The following LY75 variants were observed in gnomAD, a reference collection of about 807,000 sequenced individuals.
The protein encoded by LY75 is C-type lectin domain family 13 member B.
Under a neutral mutation model 231.7 loss-of-function variants are expected in LY75, and 185 were observed. That is an observed-to-expected ratio of 0.80 (90% CI 0.71 to 0.90). The LOEUF (loss-of-function observed/expected upper bound fraction) is 0.90. Ranked by LOEUF, LY75 falls within the 40% of genes least tolerant of loss-of-function variation. The pLI is 0.00. For missense variants in LY75, 1,947 were observed against 2,050.2 expected (o/e 0.95, Z 0.97); for synonymous variants, 668 against 689.0 (o/e 0.97, Z 0.48).
At chr2:159,866,404 C>T (rs1242915924) in intron 13 of LY75, among the ~76,000 whole-genome samples, 1 of 152,106 alleles carries the variant, frequency 6.6e-6, no homozygotes, top group African/African-American at 2.4e-5. Context: ...GGACTTAATG[C>T]AATGGAATAT....
intron 8 of LY75, among the ~76,000 whole-genome samples, chr2:159,880,012 C>T (rs1019373776): frequency 2.6e-5 from 4 of 152,112 alleles, no homozygotes; most frequent in African/African-American, 7.2e-5. Flanking sequence ...TCACTCTTGC[C>T]CATGGGAACA....
At chr2:159,900,388 A>G (rs1400728538) in intron 1 of LY75, among the ~76,000 whole-genome samples, 1 of 152,262 alleles carries the variant, frequency 6.6e-6, no homozygotes, top group Non-Finnish European at 1.5e-5. Context: ...CAATTACAGC[A>G]CAAATCATGT....
At chr2:159,805,354 A>G (rs1026998991) in intron 34 of LY75, 132 bp from the exon 35 acceptor site, 1 of 589,806 alleles carries the variant, frequency 1.7e-6, no homozygotes, top group Non-Finnish European at 3.0e-6. Flanking sequence ...TGATTGTTTC[A>G]TAGCGCTAAC....
At chr2:159,829,427 C>T (rs1318797603) in intron 28 of LY75, among the ~76,000 whole-genome samples, 2 of 152,186 alleles carry the variant, frequency 1.3e-5, no homozygotes, top group African/African-American at 4.8e-5. Context: ...AGTTGACATA[C>T]TGTGGCTTCT....
At chr2:159,833,016 T>C (rs7568814) in intron 27 of LY75, among the ~76,000 whole-genome samples, 6,272 of 152,256 alleles carry the variant, frequency 0.041, 403 homozygotes, top group African/African-American at 0.14. Flanking sequence ...TGCTGCCTTG[T>C]GGTGTATCTA....
chr2:159,826,142 A>G (rs1031965278), intron 28 of LY75, among the ~76,000 whole-genome samples: 3 of 152,186 alleles, frequency 2.0e-5, no homozygotes, highest in African/African-American at 7.2e-5. Context: ...AGGGCATTCA[A>G]ATGGGAAGAG....
intron 13 of LY75, 75 bp from the exon 14 acceptor site, chr2:159,864,995 C>T (rs933320016): frequency 6.9e-6 from 9 of 1,309,336 alleles, no homozygotes; most frequent in African/African-American, 6.0e-5. Flanking sequence ...GTCTAATGTG[C>T]ATCACTAATT....
intron 28 of LY75, among the ~76,000 whole-genome samples, chr2:159,822,720 C>G (rs938221453): frequency 6.6e-5 from 10 of 152,092 alleles, no homozygotes; most frequent in Admixed American, 2.0e-4. Flanking sequence ...TACAGGAGAG[C>G]TCTGGCTGGC....
chr2:159,826,931 T>C (rs1683489236), intron 28 of LY75, among the ~76,000 whole-genome samples: 1 of 152,152 alleles, frequency 6.6e-6, no homozygotes, highest in African/African-American at 2.4e-5. Context: ...TGGACCCCCC[T>C]TCCTCACACC....
rs1574576900 is a variant in LY75 at position 159,872,473 on chromosome 2, G to A, written c.2095C>T (p.His699Tyr). Residue 699 changes from histidine to tyrosine, a missense_variant, in exon 13 of 35, where the codon CAC becomes TAC. Coordinates refer to ENST00000263636, the MANE Select transcript of LY75 (RefSeq NM_002349.4). ...TACCTGAACTGGTCCGTTAAAAAGTGAAGAAATTCCTTTATTTCATCCACA... is the reference window on the plus strand; with the variant it reads ...TACCTGAACTGGTCCGTTAAAAAGTAAAGAAATTCCTTTATTTCATCCACA... ...SHVDEIKEFL[H>Y]FLTDQFSGQH... is the part of the protein sequence containing the mutation. 6.8e-6 allele frequency: 11 copies of A among 1,613,644 alleles called. No individual in the cohort carries two copies. In the East Asian group the frequency reaches 2.5e-4, roughly 36 times the overall value.
Position 159,821,950 on chromosome 2 carries a change from C to T in LY75, c.3959-2030G>A, listed in dbSNP as rs564509899. Among the ~76,000 whole-genome samples, 63 of 152,318 alleles carry T rather than the reference C, an allele frequency of 4.1e-4. 1 individual carries two copies. Among genetic ancestry groups the T allele is most frequent in the African/African-American group, 1.2e-3 (51 of 41,566 alleles). ...AATGCAAGGGGTCGGGGAATTTTCT[C>T]CCCTATCCAAGGGAAGCCATGAGGG... On this transcript the variant is annotated intron_variant, in intron 28 of 34. Coordinates refer to ENST00000263636, the MANE Select transcript of LY75 (RefSeq NM_002349.4).
At position 159,834,080 on chromosome 2, in the gene LY75, T is replaced by C; in HGVS notation, c.3805A>G (p.Thr1269Ala). The C allele has an allele frequency of 6.2e-7, 1 of 1,613,972 alleles. No homozygotes were observed. The highest frequency in any genetic ancestry group is 8.5e-7 in the Non-Finnish European group (1 of 1,179,924). ...CATTTAGTATGAACTTCATCCTGTG[T>C]TGTTGCCATATGCCTATTCTTTGTT... ...IITKNRHMAT[T>A]QDEVHTKCQK... is the part of the protein sequence containing the mutation. The change falls in exon 27 of 35, where the codon ACA (threonine) becomes GCA (alanine). Residue 1269 changes from threonine to alanine, a missense_variant. Physicochemically the swap from Thr to Ala is moderately conservative, Grantham distance 58. Transcript: ENST00000263636.
chr2:159,893,920 T>C lies in LY75; in HGVS notation c.631A>G (p.Lys211Glu). 1 of 1,610,774 alleles carries C rather than the reference T, an allele frequency of 6.2e-7. No homozygotes were observed. The highest frequency in any genetic ancestry group is 8.5e-7 in the Non-Finnish European group (1 of 1,178,436). The change falls in exon 3 of 35, where the codon AAG becomes GAG. Residue 211 changes from lysine to glutamate, a missense_variant. Lys to Glu is a moderately conservative substitution (Grantham distance 56). Coordinates refer to ENST00000263636, the MANE Select transcript of LY75 (RefSeq NM_002349.4). ...EYDRKWGICL[K>E]PENGCEDNWE... is the part of the protein sequence containing the mutation. Reference sequence around the variant, plus strand: ...TTTACCAGCCCATACATACCAGGCTTTAAGCAGATGCCCCACTTTCGGTCA... The same window carrying C: ...TTTACCAGCCCATACATACCAGGCTCTAAGCAGATGCCCCACTTTCGGTCA...
intron 3 of LY75, among the ~76,000 whole-genome samples, chr2:159,891,875 T>C (rs1159024600): frequency 2.6e-5 from 4 of 152,240 alleles, no homozygotes; most frequent in Non-Finnish European, 5.9e-5. Flanking sequence ...AAGCAAACTT[T>C]CACATCTAAA....
chr2:159,902,001 G>A (rs2125888356), intron 1 of LY75, among the ~76,000 whole-genome samples: 1 of 152,304 alleles, frequency 6.6e-6, no homozygotes, highest in South Asian at 2.1e-4. Context: ...TTGAAGAGCT[G>A]GAAGGAGGAC....
At chr2:159,862,019 G>C in intron 14 of LY75, among the ~76,000 whole-genome samples, 1 of 152,050 alleles carries the variant, frequency 6.6e-6, no homozygotes, top group Admixed American at 6.6e-5. Context: ...AGCTGGGCGT[G>C]GAAGGGCACG....
rs1038830358 is a variant in LY75, at chr2:159,878,649, G to T, written c.1588C>A (p.Leu530Met). Residue 530 changes from leucine to methionine, a missense_variant, in exon 10 of 35, where the codon CTG becomes ATG. Leu to Met is a conservative substitution (Grantham distance 15). Transcript: ENST00000263636. ...TGGTCACACCTGCTAGTGATAGTCA[G>T]ATTGCAGTTTGTTCCAAAAGGGACC... ...DEVPFGTNCN[L>M]TITSRFEQEY... is the part of the protein sequence containing the mutation. 3 of 1,614,016 alleles carry T rather than the reference G, an allele frequency of 1.9e-6. No homozygotes were observed. Among genetic ancestry groups the T allele is most frequent in the South Asian group, 1.1e-5 (1 of 91,064 alleles).
intron 2 of LY75, among the ~76,000 whole-genome samples, chr2:159,894,571 G>A (rs1034483598): frequency 1.3e-5 from 2 of 152,206 alleles, no homozygotes; most frequent in Non-Finnish European, 2.9e-5. Flanking sequence ...ACCACCTGCG[G>A]CATTAGAAAG....
In LY75 at chr2:159,873,785, TATAC is replaced by T. The variant is rs1174173137; in HGVS notation, c.1975-1196_1975-1193del. ...CATAAATATATACATTTTGTAAAAA[TATAC>T]ATAAATATATACATATAGTAAAAAT... On this transcript the variant is annotated intron_variant, in intron 12 of 34. Transcript: ENST00000263636. Among the ~76,000 whole-genome samples the T allele has an allele frequency of 6.7e-5, 7 of 104,676 alleles. 2 individuals carry two copies. The allele number at this position is 104,676 out of a possible 152,430, so 68.7% of individuals were successfully genotyped here.
Sources: allele counts gnomAD v4.1 joint callset (sites outside exome capture counted in the v4.1 genomes callset), GRCh38; gene constraint gnomAD v4.1.1; transcripts MANE v1.5; gene names NCBI Gene and HGNC (gene_info 2026-07-23, HGNC 2026-07-21).